The following ACACB variants were observed in gnomAD, a reference collection of about 807,000 sequenced individuals.
The protein encoded by ACACB is acetyl-CoA carboxylase beta.
Under a neutral mutation model 278.8 loss-of-function variants are expected in ACACB, and 209 were observed. That is an observed-to-expected ratio of 0.75 (90% CI 0.67 to 0.84). The LOEUF is 0.84. Ranked by LOEUF, ACACB falls within the 40% of genes least tolerant of loss-of-function variation. ACACB has a pLI of 0.00. For missense variants in ACACB, 2,850 were observed against 3,269.0 expected, an observed-to-expected ratio of 0.87 and a Z score of 3.13; for synonymous variants, 1,174 against 1,285.6, an observed-to-expected ratio of 0.91 and a Z score of 1.86.
At chr12:109,155,127 G>A (rs2043495023) in intron 2 of ACACB, among the ~76,000 whole-genome samples, 1 of 152,140 alleles carries the variant, frequency 6.6e-6, no homozygotes, top group Non-Finnish European at 1.5e-5. Flanking sequence ...AGCTGGCCTT[G>A]GCGGGAGGGG....
chr12:109,173,364 C>T (rs1182160240), intron 6 of ACACB, among the ~76,000 whole-genome samples: 4 of 152,194 alleles, frequency 2.6e-5, no homozygotes, highest in Non-Finnish European at 2.9e-5. Flanking sequence ...CCTGCTTCTC[C>T]TTACCGGTGG....
intron 47 of ACACB, chr12:109,260,003 T>C: frequency 8.2e-7 from 1 of 1,226,554 alleles, no homozygotes; most frequent in Non-Finnish European, 1.1e-6. Flanking sequence ...TCTGATGAGC[T>C]AATTGCTGAC....
chr12:109,228,708 A>G (rs1338684445), intron 28 of ACACB, among the ~76,000 whole-genome samples: 3 of 151,964 alleles, frequency 2.0e-5, no homozygotes, highest in African/African-American at 7.3e-5. Context: ...TGGGTGGCTC[A>G]TGGCTGCCAT....
At chr12:109,216,185 T>A (rs965125409) in intron 22 of ACACB, among the ~76,000 whole-genome samples, 4 of 150,786 alleles carry the variant, frequency 2.7e-5, no homozygotes, top group Admixed American at 6.6e-5. Flanking sequence ...TCCTCCCACC[T>A]CAGTGTCCTT....
At chr12:109,204,992 C>T (rs528188140) in intron 19 of ACACB, among the ~76,000 whole-genome samples, 2 of 152,020 alleles carry the variant, frequency 1.3e-5, no homozygotes, top group African/African-American at 4.8e-5. Flanking sequence ...TACCTGGGAC[C>T]ACAGGTTTGT....
rs535258987 is a variant in ACACB at position 109,202,403 on chromosome 12, C to G, written c.2913+702C>G. On this transcript the variant is annotated intron_variant, in intron 19 of 52. Transcript: ENST00000338432. ...GATCTCGACTCACTGCAACCTCTGC[C>G]TCCCTGGTTCAAGTGATTCTTCTGC... Among the ~76,000 whole-genome samples the G allele has an allele frequency of 2.6e-5, 4 of 152,274 alleles. No homozygotes were observed. In the South Asian group the frequency reaches 8.3e-4, roughly 32 times the overall value.
At chr12:109,195,402 G>T (rs2045084894) in intron 16 of ACACB, among the ~76,000 whole-genome samples, 1 of 152,226 alleles carries the variant, frequency 6.6e-6, no homozygotes, top group South Asian at 2.1e-4. Context: ...GTGTGTCATT[G>T]ATCAGGGTAT....
chr12:109,226,951 CTT>C (rs549163206), intron 27 of ACACB, among the ~76,000 whole-genome samples: 5 of 144,194 alleles, frequency 3.5e-5, no homozygotes, highest in Admixed American at 2.1e-4. Context: ...GCTTAGAAAT[CTT>C]TTTTTTTTTT....
chr12:109,120,415 C>CA (rs2042517081), intron 1 of ACACB, among the ~76,000 whole-genome samples: 1 of 152,182 alleles, frequency 6.6e-6, no homozygotes, highest in African/African-American at 2.4e-5. Flanking sequence ...CCACCTCTTG[C>CA]AAAACATGGA....
chr12:109,262,436 G>A lies in ACACB; in HGVS notation c.6754G>A (p.Asp2252Asn), dbSNP rs1349923714. Residue 2252 changes from aspartate to asparagine, a missense_variant, in exon 49 of 53, where the codon GAT becomes AAT. By Grantham distance (23) the Asp-to-Asn change is conservative (BLOSUM62 1). Coordinates refer to ENST00000338432, the MANE Select transcript of ACACB (RefSeq NM_001093.4). ...KDLIKSMRRIDPAYKKLMEQL... is the reference protein window; with the variant it reads ...KDLIKSMRRINPAYKKLMEQL... ...TCTGATAAAGTCCATGAGAAGGATC[G>A]ATCCAGCTTACAAGAAGCTCATGGA... 10 of 1,613,700 alleles carry A rather than the reference G, an allele frequency of 6.2e-6. No individual in the cohort carries two copies. Among genetic ancestry groups the A allele is most frequent in the South Asian group, 2.2e-5 (2 of 90,942 alleles).
rs541721724 is a variant in ACACB at position 109,142,813 on chromosome 12, C to T, written c.653+2755C>T. On this transcript the variant is annotated intron_variant, in intron 2 of 52. Coordinates refer to ENST00000338432, the MANE Select transcript of ACACB (RefSeq NM_001093.4). ...AACTCCTGACCTCAAGTGATCCACC[C>T]GCCTTGGCCTCCCAAAGTGCTGGAA... 1.2e-4 allele frequency among the ~76,000 whole-genome samples: 18 copies of T among 152,212 alleles called. No individual in the cohort carries two copies. The East Asian group carries it at 3.5e-3, about 29-fold the overall frequency.
At chr12:109,237,058 A>G (rs2046649889) in intron 33 of ACACB, 107 bp from the exon 34 acceptor site, 2 of 1,118,010 alleles carry the variant, frequency 1.8e-6, no homozygotes, top group Non-Finnish European at 2.7e-6. Flanking sequence ...TGCCAAACCC[A>G]TGGACACCAG....
At chr12:109,133,863 A>ATTTTTTTTTT (rs67896522) in intron 1 of ACACB, among the ~76,000 whole-genome samples, 1 of 70,656 alleles carries the variant, frequency 1.4e-5, no homozygotes, top group Non-Finnish European at 2.5e-5. Flanking sequence ...ATATATATAT[A>ATTTTTTTTTT]TTTTTTTTTT....
At chr12:109,149,564 A>G (rs2043321408) in intron 2 of ACACB, among the ~76,000 whole-genome samples, 1 of 152,214 alleles carries the variant, frequency 6.6e-6, no homozygotes, top group Non-Finnish European at 1.5e-5. Flanking sequence ...AGCCTGAGCA[A>G]CAGAGCAAGA....
At chr12:109,242,649 G>A in intron 37 of ACACB, 57 bp downstream of exon 37, 1 of 1,579,602 alleles carries the variant, frequency 6.3e-7, no homozygotes. Flanking sequence ...GACTCCACCA[G>A]AACCAAAGCC....
chr12:109,206,883 G>A (rs376866074), intron 20 of ACACB, 27 bp downstream of exon 20: 27 of 1,613,830 alleles, frequency 1.7e-5, no homozygotes, highest in Middle Eastern at 1.6e-4. Flanking sequence ...GCGCAGGCGT[G>A]TAGACCAGTG....
At chr12:109,156,778 G>A (rs115100892) in intron 2 of ACACB, among the ~76,000 whole-genome samples, 1,547 of 152,224 alleles carry the variant, frequency 0.01, 29 homozygotes, top group African/African-American at 0.035. Flanking sequence ...GTTGGAAACC[G>A]TGACCTCCGC....
intron 1 of ACACB, among the ~76,000 whole-genome samples, chr12:109,128,010 G>C (rs2042723613): frequency 6.6e-6 from 1 of 152,080 alleles, no homozygotes; most frequent in South Asian, 2.1e-4. Context: ...CTGCTCCCTT[G>C]GCAGCCTGGC....
chr12:109,122,951 G>T (rs2042585527), intron 1 of ACACB, among the ~76,000 whole-genome samples: 1 of 152,078 alleles, frequency 6.6e-6, no homozygotes, highest in Admixed American at 6.6e-5. Flanking sequence ...GGGGGCCAAA[G>T]TGGGCGGATC....
Sources: gnomAD v4.1 joint callset for allele counts (sites outside exome capture counted in the v4.1 genomes callset) on GRCh38, gnomAD v4.1.1 for gene constraint, MANE v1.5 for transcripts, NCBI Gene and HGNC (gene_info 2026-07-23, HGNC 2026-07-21) for gene names.